Variants in PLD5 observed in about 807,000 individuals in gnomAD.
PLD5 encodes the protein inactive phospholipase D5.
A neutral mutation model predicts 61.1 loss-of-function variants in PLD5; 36 were observed. The ratio of observed to expected loss-of-function variants is 0.59; its 90% CI spans 0.45 to 0.78. PLD5 has a LOEUF of 0.78. Among genes scored for constraint, PLD5 ranks in the 30% least tolerant of loss-of-function variants. PLD5 has a pLI of 0.00. For missense variants in PLD5, 515 were observed against 644.4 expected (o/e 0.80, Z 2.17); for synonymous variants, 243 against 242.8 (o/e 1.00, Z -0.01).
intron 1 of PLD5, among the ~76,000 whole-genome samples, chr1:242,433,240 T>C (rs1665815865): frequency 6.6e-6 from 1 of 152,234 alleles, no homozygotes. Context: ...GTTCAGTTGG[T>C]TTGTTTTGGG....
intron 1 of PLD5, among the ~76,000 whole-genome samples, chr1:242,472,717 C>CA (rs1667480476): frequency 6.6e-6 from 1 of 152,028 alleles, no homozygotes; most frequent in Non-Finnish European, 1.5e-5. Context: ...CTATTTTTGA[C>CA]AAAAAATAAA....
intron 4 of PLD5, among the ~76,000 whole-genome samples, chr1:242,264,325 A>G (rs141593741): frequency 0.038 from 5,804 of 152,212 alleles, 252 homozygotes; most frequent in East Asian, 0.11. Context: ...CTCATGTTTT[A>G]TTTTCCTGTG....
intron 1 of PLD5, among the ~76,000 whole-genome samples, chr1:242,425,639 C>CTTTT (rs35709516): frequency 5.4e-5 from 7 of 129,890 alleles, no homozygotes; most frequent in African/African-American, 8.8e-5. Flanking sequence ...CTTACTGTAA[C>CTTTT]TTTTTTTTTT....
chr1:242,302,803 A>G (rs1676137625), intron 2 of PLD5, among the ~76,000 whole-genome samples: 1 of 152,174 alleles, frequency 6.6e-6, no homozygotes, highest in South Asian at 2.1e-4. Flanking sequence ...TGAAATGTAC[A>G]TGTAAGCTTC....
chr1:242,519,566 G>T (rs1240548555), intron 1 of PLD5, among the ~76,000 whole-genome samples: 4 of 152,220 alleles, frequency 2.6e-5, no homozygotes, highest in African/African-American at 9.7e-5. Flanking sequence ...GCCGATAAAT[G>T]AAATGTTGCT....
intron 1 of PLD5, among the ~76,000 whole-genome samples, chr1:242,349,195 G>C (rs1389585828): frequency 6.6e-6 from 1 of 152,212 alleles, no homozygotes; most frequent in East Asian, 1.9e-4. Flanking sequence ...TTGGTTGAAA[G>C]AGTTATTATC....
At chr1:242,326,496 T>C (rs933128139) in intron 2 of PLD5, among the ~76,000 whole-genome samples, 2 of 152,046 alleles carry the variant, frequency 1.3e-5, no homozygotes, top group African/African-American at 4.8e-5. Context: ...AGAGAAGATA[T>C]CATTTATTTA....
At chr1:242,522,582 G>A (rs1177508508) in intron 1 of PLD5, among the ~76,000 whole-genome samples, 2 of 152,210 alleles carry the variant, frequency 1.3e-5, no homozygotes, top group Admixed American at 6.5e-5. Flanking sequence ...CTAAAACGAA[G>A]ATACGTTCTA....
At chr1:242,381,384 G>A (rs1662268312) in intron 1 of PLD5, among the ~76,000 whole-genome samples, 1 of 152,082 alleles carries the variant, frequency 6.6e-6, no homozygotes, top group South Asian at 2.1e-4. Context: ...ACACACTAGG[G>A]CCTATAGGTG....
chr1:242,419,608 T>C (rs1166553960), intron 1 of PLD5, among the ~76,000 whole-genome samples: 1 of 115,188 alleles, frequency 8.7e-6, no homozygotes, highest in African/African-American at 3.6e-5. Flanking sequence ...AGAAACAGGG[T>C]TTCACTATGT....
intron 5 of PLD5, among the ~76,000 whole-genome samples, chr1:242,213,696 CG>C: frequency 6.6e-6 from 1 of 151,210 alleles, no homozygotes; most frequent in South Asian, 2.1e-4. Flanking sequence ...AGTTAACCCC[CG>C]CAGCAAAAAG....
intron 1 of PLD5, among the ~76,000 whole-genome samples, chr1:242,508,375 A>G (rs1668798115): frequency 6.7e-6 from 1 of 149,310 alleles, no homozygotes; most frequent in South Asian, 2.1e-4. Context: ...CTCCGTCTCA[A>G]AAAAAAAAAA....
intron 1 of PLD5, among the ~76,000 whole-genome samples, chr1:242,474,267 C>T (rs1055648087): frequency 6.6e-6 from 1 of 152,192 alleles, no homozygotes; most frequent in African/African-American, 2.4e-5. Context: ...GGGATTCCCA[C>T]AGACCCATAA....
intron 1 of PLD5, among the ~76,000 whole-genome samples, chr1:242,492,834 A>G (rs1363004087): frequency 6.6e-6 from 1 of 152,122 alleles, no homozygotes; most frequent in Admixed American, 6.6e-5. Context: ...GCTGAGAGAG[A>G]AAATCACCCC....
chr1:242,217,133 T>A (rs1264661118), intron 5 of PLD5, among the ~76,000 whole-genome samples: 2 of 152,236 alleles, frequency 1.3e-5, no homozygotes, highest in East Asian at 3.9e-4. Flanking sequence ...CTGACGAAGA[T>A]GGGCAAGGAG....
chr1:242,473,262 TACAA>T (rs1198633558), intron 1 of PLD5, among the ~76,000 whole-genome samples: 1 of 152,140 alleles, frequency 6.6e-6, no homozygotes, highest in Non-Finnish European at 1.5e-5. Context: ...AAGAAGTAGA[TACAA>T]ACAGAATTGG....
chr1:242,334,837 C>T (rs57434726), intron 2 of PLD5, among the ~76,000 whole-genome samples: 121,613 of 152,148 alleles, frequency 0.8, 49,071 homozygotes, highest in Non-Finnish European at 0.85. Flanking sequence ...AAGATGGGGC[C>T]GTAGAAACAA....
chr1:242,154,716 C>G (rs895088065), intron 5 of PLD5, among the ~76,000 whole-genome samples: 1 of 152,088 alleles, frequency 6.6e-6, no homozygotes, highest in Non-Finnish European at 1.5e-5. Flanking sequence ...GGTGGATAAG[C>G]TTTTTGATGT....
intron 1 of PLD5, among the ~76,000 whole-genome samples, chr1:242,441,226 G>C (rs552616892): frequency 1.3e-5 from 2 of 152,250 alleles, no homozygotes; most frequent in African/African-American, 4.8e-5. Flanking sequence ...ATAGTAGTAA[G>C]TGCTATGAAG....
Sources: allele counts gnomAD v4.1 joint callset (sites outside exome capture counted in the v4.1 genomes callset), GRCh38; gene constraint gnomAD v4.1.1; transcripts MANE v1.5; gene names NCBI Gene and HGNC (gene_info 2026-07-23, HGNC 2026-07-21).